The following ALDH3B1 variants were observed in gnomAD, a reference collection of about 807,000 sequenced individuals.
The protein encoded by ALDH3B1 is aldehyde dehydrogenase family 3 member B1.
In ALDH3B1, 37 loss-of-function variants were observed where a neutral mutation model predicts 46.2. The ratio of observed to expected loss-of-function variants is 0.80; its 90% confidence interval spans 0.62 to 1.05. The LOEUF (loss-of-function observed/expected upper bound fraction) is 1.05, where lower values mean the gene tolerates loss of function less well. Ranked by LOEUF, ALDH3B1 falls within the 50% of genes least tolerant of loss-of-function variation. The pLI is 0.00. For synonymous variants in ALDH3B1, 283 were observed against 281.0 expected, an observed-to-expected ratio of 1.01 and a Z score of -0.07; for missense variants, 603 against 665.5, an observed-to-expected ratio of 0.91 and a Z score of 1.03.
At chr11:68,019,993 T>C (rs1431181351) in intron 6 of ALDH3B1, among the ~76,000 whole-genome samples, 197 bp downstream of exon 6, 1 of 152,126 alleles carries the variant, frequency 6.6e-6, no homozygotes, top group Non-Finnish European at 1.5e-5. Context: ...CAGCCCACTG[T>C]GCCAACCACA....
intron 6 of ALDH3B1, among the ~76,000 whole-genome samples, chr11:68,021,186 A>G (rs1049347753): frequency 2.0e-5 from 3 of 152,164 alleles, no homozygotes; most frequent in Admixed American, 2.0e-4. Context: ...CTGCAGGGTC[A>G]GCCAGGGTCA....
intron 2 of ALDH3B1, chr11:68,016,632 GACACCACCTGCCCCTGCCTCAGC>G: frequency 6.5e-6 from 1 of 153,426 alleles, no homozygotes; most frequent in Non-Finnish European, 1.4e-5. Context: ...CCTGCCTCAG[GACACCACCTGCCCCTGCCTCAGC>G]ACATCTGCCC....
upstream of ALDH3B1, among the ~76,000 whole-genome samples, chr11:68,009,864 TG>T (rs1483173853): frequency 4.6e-5 from 7 of 152,236 alleles, no homozygotes; most frequent in East Asian, 1.2e-3. Flanking sequence ...GGAGTAGTAG[TG>T]GTCTTATTCC....
chr11:68,015,281 C>T lies in ALDH3B1; in HGVS notation c.-1-16C>T. On this transcript the variant is annotated splice_polypyrimidine_tract_variant and intron_variant, in intron 1 of 9. Transcript: ENST00000342456. ...GGCAGCCCTGGCCACCCAGTTCATG[C>T]CACCCCATCTGGCAGGATGGACCCC... 2.0e-6 allele frequency: 3 copies of T among 1,464,368 alleles called. No individual in the cohort carries two copies. Among genetic ancestry groups the T allele is most frequent in the Non-Finnish European group, 2.7e-6 (3 of 1,103,226 alleles). 90.7% of individuals were successfully genotyped at this position (1,464,368 alleles called of 1,614,324 possible). A position where few individuals can be genotyped will look rare whatever the true frequency, so the allele number is the denominator to read the frequency against.
chr11:68,017,865 CT>C (rs1857384622), intron 2 of ALDH3B1: 1 of 152,310 alleles, frequency 6.6e-6, no homozygotes, highest in East Asian at 1.9e-4. Flanking sequence ...TCAAAACAAA[CT>C]TTTTTTGAAA....
intron 1 of ALDH3B1, among the ~76,000 whole-genome samples, chr11:68,012,703 C>G (rs534761173): frequency 6.6e-6 from 1 of 152,238 alleles, no homozygotes; most frequent in Admixed American, 6.5e-5. Context: ...GCTGGCCTAC[C>G]GGAGTCCACC....
Position 68,021,477 on chromosome 11 carries a change from A to G in ALDH3B1, c.563-8A>G. The G allele has an allele frequency of 6.2e-7, 1 of 1,604,440 alleles. No individual in the cohort carries two copies. Among genetic ancestry groups the G allele is most frequent in the African/African-American group, 1.3e-5 (1 of 74,840 alleles). On this transcript the variant is annotated splice_polypyrimidine_tract_variant and splice_region_variant and intron_variant, in intron 6 of 9. Transcript: ENST00000342456. ...TGAACGGCCACTCTGGTTTCCTTCC[A>G]TGCCCAGGGAGCCCTCGTGTGGGCA...
At chr11:68,024,785 A>G (rs1238091366) in intron 8 of ALDH3B1, 1 of 152,218 alleles carries the variant, frequency 6.6e-6, no homozygotes, top group African/African-American at 2.4e-5. Flanking sequence ...TTCTGTAAGA[A>G]AGATTCATCT....
intron 8 of ALDH3B1, chr11:68,025,450 G>A (rs1857598290): frequency 1.3e-5 from 2 of 152,192 alleles, no homozygotes; most frequent in Non-Finnish European, 2.9e-5. Flanking sequence ...TACAGATTGA[G>A]GAAGAAGGTC....
At chr11:68,014,851 C>A in intron 1 of ALDH3B1, 1 of 159,726 alleles carries the variant, frequency 6.3e-6, no homozygotes, top group Non-Finnish European at 1.4e-5. Context: ...CTGCTTACAC[C>A]ATTCAGACTG....
At chr11:68,021,015 G>T (rs1173688286) in intron 6 of ALDH3B1, among the ~76,000 whole-genome samples, 1 of 152,218 alleles carries the variant, frequency 6.6e-6, no homozygotes, top group Non-Finnish European at 1.5e-5. Flanking sequence ...CAGAAAAAAA[G>T]GGCTGGGCAG....
intron 7 of ALDH3B1, 88 bp downstream of exon 7, chr11:68,021,959 G>C: frequency 6.6e-7 from 1 of 1,512,562 alleles, no homozygotes; most frequent in South Asian, 1.3e-5. Flanking sequence ...CTCTGGACCC[G>C]CGCCTGAAAC....
intron 8 of ALDH3B1, among the ~76,000 whole-genome samples, chr11:68,025,652 T>C (rs1212441993): frequency 6.6e-6 from 1 of 151,948 alleles, no homozygotes; most frequent in Non-Finnish European, 1.5e-5. Context: ...ATGACACCCC[T>C]CTCCTGGGAT....
intron 6 of ALDH3B1, among the ~76,000 whole-genome samples, chr11:68,020,984 G>A (rs1857478732): frequency 6.6e-6 from 1 of 152,182 alleles, no homozygotes; most frequent in Admixed American, 6.5e-5. Context: ...GCATCAGCCT[G>A]GGACAGTCCA....
rs1051933826 is a variant in ALDH3B1 at position 68,018,649 on chromosome 11, G to A, written c.273+12G>A. ...TGCCCAAGAACCTGGTGAGCCGGCC[G>A]GGCTGAGGCGGGCAGGGGGCTCAGG... On this transcript the variant is annotated intron_variant, in intron 3 of 9. Transcript: ENST00000342456. 6.3e-5 allele frequency: 99 copies of A among 1,559,752 alleles called. No individual in the cohort carries two copies. The East Asian group carries it at 2.1e-3, about 32-fold the overall frequency.
At chr11:68,015,505 G>C in intron 2 of ALDH3B1, 46 bp downstream of exon 2, 1 of 1,556,322 alleles carries the variant, frequency 6.4e-7, no homozygotes. Context: ...GGGCAGGGGG[G>C]CATGGAGGGC....
upstream of ALDH3B1, among the ~76,000 whole-genome samples, chr11:68,009,745 C>T (rs1000474865): frequency 2.0e-5 from 3 of 152,128 alleles, no homozygotes; most frequent in African/African-American, 7.2e-5. Context: ...CAGGTGGTGG[C>T]GCCAAGGTCT....
At chr11:68,026,657 C>A (rs1857630474) in intron 9 of ALDH3B1, among the ~76,000 whole-genome samples, 1 of 152,188 alleles carries the variant, frequency 6.6e-6, no homozygotes, top group Non-Finnish European at 1.5e-5. Flanking sequence ...GTCCTAGCAA[C>A]ACGCTGAAGG....
rs762186681 is a variant in ALDH3B1, at chr11:68,025,997, G to A, written c.1117-12G>A. Reference sequence around the variant, plus strand: ...CTCAAGGCAGCCTCACGCACATCCTGTTCTCTCCCAGGTGGTCAAGCGGGT... The same window carrying A: ...CTCAAGGCAGCCTCACGCACATCCTATTCTCTCCCAGGTGGTCAAGCGGGT... On this transcript the variant is annotated splice_polypyrimidine_tract_variant and intron_variant, in intron 8 of 9. Coordinates refer to ENST00000342456, the MANE Select transcript of ALDH3B1 (RefSeq NM_000694.4). The A allele has an allele frequency of 1.3e-6, 2 of 1,579,730 alleles. No individual in the cohort carries two copies. Among genetic ancestry groups the A allele is most frequent in the Non-Finnish European group, 1.7e-6 (2 of 1,162,676 alleles).
Sources: allele counts gnomAD v4.1 joint callset (sites outside exome capture counted in the v4.1 genomes callset), GRCh38; gene constraint gnomAD v4.1.1; transcripts MANE v1.5; gene names NCBI Gene and HGNC (gene_info 2026-07-23, HGNC 2026-07-21).